Variants in CDK14 observed in about 807,000 individuals in gnomAD.
The protein encoded by CDK14 is cyclin dependent kinase 14.
Under a neutral mutation model 60.7 loss-of-function variants are expected in CDK14, and 34 were observed. That is an observed-to-expected ratio of 0.56 (90% CI 0.43 to 0.75). The LOEUF is 0.75. Ranked by LOEUF, CDK14 falls within the 30% of genes least tolerant of loss-of-function variation. CDK14 has a pLI of 0.00. For synonymous variants in CDK14, 197 were observed against 203.7 expected, an observed-to-expected ratio of 0.97 and a Z score of 0.28; for missense variants, 482 against 564.1, an observed-to-expected ratio of 0.85 and a Z score of 1.47.
At chr7:91,204,941 C>G (rs1802839538) in intron 14 of CDK14, among the ~76,000 whole-genome samples, 1 of 146,980 alleles carries the variant, frequency 6.8e-6, no homozygotes, top group African/African-American at 2.5e-5. Flanking sequence ...GAGCAAGACC[C>G]AGTCAAAAAA....
intron 4 of CDK14, among the ~76,000 whole-genome samples, chr7:90,789,715 T>TG (rs2116963364): frequency 6.6e-6 from 1 of 152,246 alleles, no homozygotes; most frequent in African/African-American, 2.4e-5. Context: ...ACCAATCCAC[T>TG]GAGGATTATA....
chr7:90,805,475 C>G (rs1788789310), intron 5 of CDK14, among the ~76,000 whole-genome samples: 1 of 151,842 alleles, frequency 6.6e-6, no homozygotes, highest in Non-Finnish European at 1.5e-5. Flanking sequence ...TGTATACTAG[C>G]AATGAACATG....
intron 2 of CDK14, among the ~76,000 whole-genome samples, chr7:90,712,893 C>G (rs780838353): frequency 1.6e-4 from 24 of 152,072 alleles, no homozygotes; most frequent in Non-Finnish European, 2.9e-4. Flanking sequence ...GTCAGAGACT[C>G]TTAGAGCTGG....
chr7:90,833,257 A>G (rs546217375), intron 5 of CDK14, among the ~76,000 whole-genome samples: 3 of 152,354 alleles, frequency 2.0e-5, no homozygotes, highest in African/African-American at 7.2e-5. Flanking sequence ...TAGTCACACA[A>G]TGGCTATAAT....
chr7:90,604,935 A>G (rs1799386824), intron 2 of CDK14, among the ~76,000 whole-genome samples: 1 of 152,132 alleles, frequency 6.6e-6, no homozygotes, highest in Non-Finnish European at 1.5e-5. Flanking sequence ...TTTCATTGTA[A>G]CCATCCTGAG....
At chr7:91,043,589 G>A (rs34435827) in intron 10 of CDK14, among the ~76,000 whole-genome samples, 9 of 152,196 alleles carry the variant, frequency 5.9e-5, no homozygotes, top group Admixed American at 3.3e-4. Context: ...TATCATAATC[G>A]TTTATGTCAG....
chr7:90,973,534 T>C (rs1562851727), intron 9 of CDK14, among the ~76,000 whole-genome samples: 3 of 152,190 alleles, frequency 2.0e-5, no homozygotes, highest in Non-Finnish European at 4.4e-5. Context: ...TCTACTGATA[T>C]TGAGCCAAAC....
chr7:90,774,349 T>G (rs192364455), intron 4 of CDK14, among the ~76,000 whole-genome samples: 1 of 152,206 alleles, frequency 6.6e-6, no homozygotes, highest in African/African-American at 2.4e-5. Context: ...TTATATTTAA[T>G]TGAATAACTT....
chr7:91,059,370 G>A (rs563581242), intron 11 of CDK14, among the ~76,000 whole-genome samples: 8 of 152,114 alleles, frequency 5.3e-5, no homozygotes, highest in African/African-American at 1.2e-4. Context: ...TGGATTCATT[G>A]ATTTTTTGAA....
chr7:91,113,940 G>A (rs1021827549), intron 13 of CDK14, among the ~76,000 whole-genome samples: 1 of 151,768 alleles, frequency 6.6e-6, no homozygotes, highest in African/African-American at 2.4e-5. Flanking sequence ...CGTATTTCCA[G>A]CCCATGTTTA....
intron 14 of CDK14, among the ~76,000 whole-genome samples, chr7:91,146,179 A>G (rs145540722): frequency 2.0e-5 from 3 of 152,126 alleles, no homozygotes; most frequent in Admixed American, 6.5e-5. Flanking sequence ...TAGCTATACA[A>G]TCTGGGGTTC....
chr7:90,881,618 C>A (rs916821275), intron 6 of CDK14, among the ~76,000 whole-genome samples: 2 of 151,964 alleles, frequency 1.3e-5, no homozygotes, highest in Non-Finnish European at 2.9e-5. Flanking sequence ...GAAGATTAAC[C>A]CCAAGACACA....
chr7:90,876,338 ACT>A (rs1228198634), intron 6 of CDK14, among the ~76,000 whole-genome samples: 1 of 152,072 alleles, frequency 6.6e-6, no homozygotes, highest in Admixed American at 6.5e-5. Flanking sequence ...GCTGTCCCTA[ACT>A]GGTTGGATTT....
intron 12 of CDK14, among the ~76,000 whole-genome samples, chr7:91,080,499 G>A (rs1798456230): frequency 6.6e-6 from 1 of 152,116 alleles, no homozygotes; most frequent in Admixed American, 6.6e-5. Context: ...CTTTGCATGT[G>A]CCATTTGAAG....
At chr7:90,699,788 T>C (rs1801744094) in intron 2 of CDK14, among the ~76,000 whole-genome samples, 1 of 152,180 alleles carries the variant, frequency 6.6e-6, no homozygotes, top group Non-Finnish European at 1.5e-5. Context: ...TAGACGGAAC[T>C]AGTTATGATG....
intron 11 of CDK14, among the ~76,000 whole-genome samples, chr7:91,066,268 C>G (rs1459899593): frequency 6.6e-6 from 1 of 152,062 alleles, no homozygotes; most frequent in South Asian, 2.1e-4. Context: ...ATTGTTTATA[C>G]TATATGATGT....
intron 14 of CDK14, among the ~76,000 whole-genome samples, chr7:91,145,793 T>C (rs779204632): frequency 7.2e-5 from 11 of 152,170 alleles, no homozygotes; most frequent in Non-Finnish European, 1.6e-4. Flanking sequence ...CCAAACTCCT[T>C]AAGTCTATTT....
chr7:90,957,464 GCCCAAA>G (rs1794463897), intron 9 of CDK14, among the ~76,000 whole-genome samples: 2 of 152,120 alleles, frequency 1.3e-5, no homozygotes, highest in South Asian at 4.2e-4. Flanking sequence ...CATTGTCTCA[GCCCAAA>G]ATCTCCTTAA....
intron 4 of CDK14, among the ~76,000 whole-genome samples, chr7:90,771,788 A>G (rs911763945): frequency 6.6e-6 from 1 of 152,208 alleles, no homozygotes; most frequent in Non-Finnish European, 1.5e-5. Context: ...CACTCTGGTC[A>G]CTGGACTCCA....
Sources: allele counts gnomAD v4.1 joint callset (sites outside exome capture counted in the v4.1 genomes callset), GRCh38; gene constraint gnomAD v4.1.1; transcripts MANE v1.5; gene names NCBI Gene and HGNC (gene_info 2026-07-23, HGNC 2026-07-21).